The following FHIT variants were observed in gnomAD, a reference collection of about 807,000 sequenced individuals.
The protein encoded by FHIT is bis(5'-adenosyl)-triphosphatase.
FHIT carries 19 observed loss-of-function variants against 17.9 expected under a neutral mutation model. That is an observed-to-expected ratio of 1.06 (90% CI 0.74 to 1.56). FHIT has a LOEUF of 1.56. FHIT is among the 40% of genes most tolerant of loss of function. FHIT has a pLI of 0.00. For missense variants in FHIT, 248 were observed against 189.2 expected (o/e 1.31, Z -1.82); for synonymous variants, 81 against 69.7 (o/e 1.16, Z -0.81).
intron 5 of FHIT, among the ~76,000 whole-genome samples, chr3:60,353,510 G>A (rs1699511493): frequency 6.6e-6 from 1 of 152,092 alleles, no homozygotes; most frequent in African/African-American, 2.4e-5. Flanking sequence ...TTCTGCTGGT[G>A]AGTCTAAACC....
chr3:60,973,303 G>A (rs1174842601), intron 3 of FHIT, among the ~76,000 whole-genome samples: 1 of 152,172 alleles, frequency 6.6e-6, no homozygotes, highest in Admixed American at 6.5e-5. Flanking sequence ...CAAGGACCTT[G>A]AGTATTTCCA....
intron 2 of FHIT, among the ~76,000 whole-genome samples, chr3:61,193,608 A>G (rs1396325714): frequency 1.3e-5 from 2 of 152,230 alleles, no homozygotes; most frequent in African/African-American, 4.8e-5. Flanking sequence ...TAGAGAAAAA[A>G]AAAGTAACCA....
At chr3:60,657,168 A>T (rs1313876251) in intron 4 of FHIT, among the ~76,000 whole-genome samples, 3 of 152,176 alleles carry the variant, frequency 2.0e-5, no homozygotes, top group Non-Finnish European at 2.9e-5. Flanking sequence ...TTGGAGCTAT[A>T]ATAATTAGAA....
intron 4 of FHIT, among the ~76,000 whole-genome samples, chr3:60,770,426 G>T (rs2108073115): frequency 6.6e-6 from 1 of 152,204 alleles, no homozygotes; most frequent in Middle Eastern, 3.4e-3. Flanking sequence ...GGGAATTTCA[G>T]AAAACTCATA....
chr3:61,217,007 G>C (rs1029347918), intron 1 of FHIT, among the ~76,000 whole-genome samples: 4 of 149,340 alleles, frequency 2.7e-5, no homozygotes, highest in Admixed American at 6.7e-5. Context: ...GGTAGGGGGA[G>C]GGGGGAGGGA....
At chr3:59,982,982 A>G (rs2107439583) in intron 7 of FHIT, among the ~76,000 whole-genome samples, 1 of 152,016 alleles carries the variant, frequency 6.6e-6, no homozygotes, top group Non-Finnish European at 1.5e-5. Flanking sequence ...TCTGTTGCCC[A>G]GGCTGGAGCA....
chr3:61,220,389 T>C (rs1030236731), intron 1 of FHIT, among the ~76,000 whole-genome samples: 4 of 152,194 alleles, frequency 2.6e-5, no homozygotes, highest in African/African-American at 7.2e-5. Context: ...TAAACCCTCA[T>C]AAGACATAGC....
intron 1 of FHIT, among the ~76,000 whole-genome samples, chr3:61,235,387 T>C (rs565619675): frequency 3.7e-4 from 56 of 151,990 alleles, no homozygotes; most frequent in African/African-American, 8.2e-4. Flanking sequence ...AAAATCTACA[T>C]AAAGATCTTA....
chr3:60,964,055 T>C lies in FHIT; in HGVS notation c.-111+77992A>G, dbSNP rs1244941890. On this transcript the variant is annotated intron_variant, in intron 3 of 9. Coordinates refer to ENST00000492590, the MANE Select transcript of FHIT (RefSeq NM_002012.4). ...GTGTTAAAGTCTCCCATTATTATCGTGTGGGAGTCTAAGTCTCTTTGTAGG... is the reference window on the plus strand; with the variant it reads ...GTGTTAAAGTCTCCCATTATTATCGCGTGGGAGTCTAAGTCTCTTTGTAGG... 3.3e-5 allele frequency among the ~76,000 whole-genome samples: 5 copies of C among 152,180 alleles called. 1 individual carries two copies. Among genetic ancestry groups the C allele is most frequent in the African/African-American group, 4.8e-5 (2 of 41,442 alleles).
intron 3 of FHIT, among the ~76,000 whole-genome samples, chr3:60,884,725 G>C (rs927210486): frequency 6.6e-6 from 1 of 151,862 alleles, no homozygotes; most frequent in African/African-American, 2.4e-5. Flanking sequence ...GAGCCCAGGA[G>C]TTTGAGACCA....
At chr3:60,638,164 A>C (rs1356348697) in intron 4 of FHIT, among the ~76,000 whole-genome samples, 1 of 152,202 alleles carries the variant, frequency 6.6e-6, no homozygotes, top group Non-Finnish European at 1.5e-5. Flanking sequence ...AAAAGAAACT[A>C]AGGGAAATTA....
At chr3:61,036,613 T>G (rs2033253467) in intron 3 of FHIT, among the ~76,000 whole-genome samples, 1 of 152,190 alleles carries the variant, frequency 6.6e-6, no homozygotes, top group Non-Finnish European at 1.5e-5. Flanking sequence ...AAGATGAGTT[T>G]TATATTATTA....
At chr3:61,028,965 C>T (rs1328577869) in intron 3 of FHIT, among the ~76,000 whole-genome samples, 1 of 151,876 alleles carries the variant, frequency 6.6e-6, no homozygotes, top group Non-Finnish European at 1.5e-5. Context: ...TAGAATATTC[C>T]TGGAGGTCTA....
At chr3:60,437,570 T>C (rs192401369) in intron 5 of FHIT, among the ~76,000 whole-genome samples, 60 of 152,222 alleles carry the variant, frequency 3.9e-4, no homozygotes, top group African/African-American at 1.4e-3. Flanking sequence ...CATCATCTCA[T>C]TCCAGCAATG....
At chr3:60,244,332 G>A (rs2107578993) in intron 5 of FHIT, among the ~76,000 whole-genome samples, 1 of 152,102 alleles carries the variant, frequency 6.6e-6, no homozygotes, top group African/African-American at 2.4e-5. Context: ...TAAATAAAGA[G>A]AGAAGGATAA....
intron 5 of FHIT, among the ~76,000 whole-genome samples, chr3:60,241,100 CG>C (rs1400654842): frequency 6.6e-6 from 1 of 151,988 alleles, no homozygotes; most frequent in Admixed American, 6.6e-5. Context: ...TTTTAGGAAA[CG>C]GGGGTGGAAT....
chr3:60,005,004 G>T (rs1699867438), intron 7 of FHIT, among the ~76,000 whole-genome samples: 1 of 152,156 alleles, frequency 6.6e-6, no homozygotes, highest in Non-Finnish European at 1.5e-5. Flanking sequence ...GGGGAGCTCA[G>T]AAAGGTTAAC....
intron 5 of FHIT, among the ~76,000 whole-genome samples, chr3:60,097,940 C>T (rs1704029277): frequency 1.3e-5 from 2 of 149,298 alleles, no homozygotes; most frequent in African/African-American, 5.0e-5. Context: ...GTTCAATTCC[C>T]ACCTATGAGT....
intron 5 of FHIT, among the ~76,000 whole-genome samples, chr3:60,456,022 A>C (rs2032067368): frequency 6.6e-6 from 1 of 152,156 alleles, no homozygotes; most frequent in South Asian, 2.1e-4. Flanking sequence ...ATTAATCCAA[A>C]AGATGGCCAA....
Sources: gnomAD v4.1 joint callset for allele counts (sites outside exome capture counted in the v4.1 genomes callset) on GRCh38, gnomAD v4.1.1 for gene constraint, MANE v1.5 for transcripts, NCBI Gene and HGNC (gene_info 2026-07-23, HGNC 2026-07-21) for gene names.